PTPRK: variants seen among roughly 807,000 people sequenced by gnomAD.
PTPRK encodes the protein receptor-type tyrosine-protein phosphatase kappa.
PTPRK carries 75 observed loss-of-function variants against 178.0 expected under a neutral mutation model. That is an observed-to-expected ratio of 0.42 (90% CI 0.35 to 0.51). PTPRK has a LOEUF of 0.51. Ranked by LOEUF, PTPRK falls within the 20% of genes least tolerant of loss-of-function variation. The pLI, the probability that PTPRK is intolerant of heterozygous loss-of-function variation, is 0.02. For missense variants in PTPRK, 1,441 were observed against 1,797.8 expected, an observed-to-expected ratio of 0.80 and a Z score of 3.59; for synonymous variants, 637 against 620.6, an observed-to-expected ratio of 1.03 and a Z score of -0.39.
chr6:128,102,498 T>C (rs547653713), intron 7 of PTPRK, among the ~76,000 whole-genome samples: 1 of 152,268 alleles, frequency 6.6e-6, no homozygotes, highest in South Asian at 2.1e-4. Flanking sequence ...GCTTTCATTG[T>C]AAAGTGAGGG....
At chr6:128,446,802 A>G (rs891627441) in intron 1 of PTPRK, among the ~76,000 whole-genome samples, 1 of 152,208 alleles carries the variant, frequency 6.6e-6, no homozygotes, top group African/African-American at 2.4e-5. Flanking sequence ...AATAAAACTA[A>G]GGAAAACAGT....
At chr6:128,366,328 A>C (rs1403794043) in intron 2 of PTPRK, among the ~76,000 whole-genome samples, 1 of 152,050 alleles carries the variant, frequency 6.6e-6, no homozygotes, top group Non-Finnish European at 1.5e-5. Context: ...TGTAATTAAA[A>C]CCTTTAAACT....
chr6:128,149,525 T>C (rs558103178), intron 7 of PTPRK, among the ~76,000 whole-genome samples: 2 of 152,162 alleles, frequency 1.3e-5, no homozygotes, highest in Non-Finnish European at 2.9e-5. Context: ...GATAGGCATA[T>C]AGTCCAGTTC....
intron 21 of PTPRK, 98 bp downstream of exon 21, chr6:127,990,671 T>C (rs1776504232): frequency 6.7e-6 from 5 of 742,244 alleles, no homozygotes; most frequent in East Asian, 2.5e-5. Flanking sequence ...CATGAATGAA[T>C]GGATTTTATA....
intron 1 of PTPRK, chr6:128,409,282 T>C (rs1842031883): frequency 6.6e-6 from 3 of 451,950 alleles, no homozygotes; most frequent in African/African-American, 6.0e-5. Flanking sequence ...GACATCTAAT[T>C]ACATAACTTA....
At position 128,064,771 on chromosome 6, in the gene PTPRK, G is replaced by T; in HGVS notation, c.2181C>A (p.Arg727=). The T allele has an allele frequency of 2.5e-6, 4 of 1,589,808 alleles. No individual in the cohort carries two copies. The highest frequency in any genetic ancestry group is 3.4e-6 in the Non-Finnish European group (4 of 1,173,248). The stretch of plus-strand genomic sequence containing the variant: ...CAAACCTCTTACCTTTTGTAGCAAT[G>T]CGTACGCACTGGGTTTTAGTTTCCT... ...VEKETKTQCV[R]IATKAAATEE... Residue 727 remains arginine (R), a synonymous_variant, in exon 13 of 30, where the codon CGC becomes CGA. Coordinates refer to ENST00000368226, the MANE Select transcript of PTPRK (RefSeq NM_002844.4).
intron 1 of PTPRK, among the ~76,000 whole-genome samples, chr6:128,409,628 T>C (rs1055116296): frequency 6.6e-6 from 1 of 152,190 alleles, no homozygotes; most frequent in Admixed American, 6.5e-5. Context: ...ACTTGTAAAG[T>C]TACATGTTGA....
At chr6:128,210,366 AG>A (rs1361638137) in intron 6 of PTPRK, among the ~76,000 whole-genome samples, 1 of 111,138 alleles carries the variant, frequency 9.0e-6, no homozygotes. Flanking sequence ...ATAACTCCGG[AG>A]GAAAAAAAAA....
intron 17 of PTPRK, 60 bp downstream of exon 17, chr6:127,996,841 A>C (rs1777204815): frequency 1.3e-6 from 2 of 1,537,402 alleles, no homozygotes; most frequent in African/African-American, 2.8e-5. Flanking sequence ...TTTTTCTTAA[A>C]GTTTAAAACC....
chr6:128,457,233 A>G (rs921537751), intron 1 of PTPRK, among the ~76,000 whole-genome samples: 4 of 152,150 alleles, frequency 2.6e-5, no homozygotes, highest in Non-Finnish European at 4.4e-5. Flanking sequence ...ACCAATTTCA[A>G]CTTCCAAGTT....
At chr6:128,093,877 AG>A (rs202188279) in intron 7 of PTPRK, among the ~76,000 whole-genome samples, 70 of 152,160 alleles carry the variant, frequency 4.6e-4, no homozygotes, top group African/African-American at 1.7e-3. Context: ...TGTTAAGCTA[AG>A]AAAAAAAATA....
At chr6:127,974,599 A>G (rs1332718567) in intron 27 of PTPRK, among the ~76,000 whole-genome samples, 3 of 152,172 alleles carry the variant, frequency 2.0e-5, no homozygotes, top group Non-Finnish European at 1.5e-5. Context: ...TCAACCCCCA[A>G]CTAATTTCTA....
At chr6:127,978,629 C>T (rs942247281) in intron 25 of PTPRK, among the ~76,000 whole-genome samples, 1 of 152,126 alleles carries the variant, frequency 6.6e-6, no homozygotes, top group East Asian at 1.9e-4. Context: ...GCTCTTCTTC[C>T]AATCAAATGT....
At chr6:128,026,549 G>C (rs1774344530) in intron 13 of PTPRK, among the ~76,000 whole-genome samples, 1 of 152,104 alleles carries the variant, frequency 6.6e-6, no homozygotes, top group Non-Finnish European at 1.5e-5. Flanking sequence ...TTGTTCTGAA[G>C]ATTACTGAAT....
At chr6:128,028,187 C>T (rs140226119) in intron 13 of PTPRK, among the ~76,000 whole-genome samples, 1 of 152,178 alleles carries the variant, frequency 6.6e-6, no homozygotes, top group Non-Finnish European at 1.5e-5. Flanking sequence ...GTGGGTAAAG[C>T]TCATGGTAAA....
At chr6:128,326,789 T>C (rs1829636781) in intron 2 of PTPRK, among the ~76,000 whole-genome samples, 1 of 152,132 alleles carries the variant, frequency 6.6e-6, no homozygotes, top group South Asian at 2.1e-4. Context: ...TTTGCATATG[T>C]ACAGTTTCTG....
chr6:128,228,573 T>C (rs1490604112), intron 5 of PTPRK, among the ~76,000 whole-genome samples: 1 of 147,388 alleles, frequency 6.8e-6, no homozygotes, highest in Non-Finnish European at 1.5e-5. Context: ...GGCAGGAGAA[T>C]GGCGTGAACC....
At chr6:128,024,290 T>C (rs527442646) in intron 13 of PTPRK, among the ~76,000 whole-genome samples, 88 of 152,340 alleles carry the variant, frequency 5.8e-4, no homozygotes, top group Non-Finnish European at 1.1e-3. Flanking sequence ...TCTAGGCACA[T>C]GGCCACAACT....
chr6:128,184,035 G>A (rs907450317), intron 7 of PTPRK, among the ~76,000 whole-genome samples: 1 of 152,148 alleles, frequency 6.6e-6, no homozygotes, highest in Non-Finnish European at 1.5e-5. Context: ...CCTTTACACT[G>A]ACTGTAACAA....
Sources: gnomAD v4.1 joint callset for allele counts (sites outside exome capture counted in the v4.1 genomes callset) on GRCh38, gnomAD v4.1.1 for gene constraint, MANE v1.5 for transcripts, NCBI Gene and HGNC (gene_info 2026-07-23, HGNC 2026-07-21) for gene names.